The following CAST variants were observed in gnomAD, a reference collection of about 807,000 sequenced individuals.
The protein encoded by CAST is MIR583 host.
Under a neutral mutation model 119.6 loss-of-function variants are expected in CAST, and 76 were observed. The observed-to-expected ratio is 0.64, with a 90% CI of 0.53 to 0.77. CAST has a LOEUF of 0.77. Ranked by LOEUF, CAST falls within the 30% of genes least tolerant of loss-of-function variation. The pLI is 0.00. For synonymous variants in CAST, 319 were observed against 331.6 expected, an observed-to-expected ratio of 0.96 and a Z score of 0.41; for missense variants, 953 against 946.5, an observed-to-expected ratio of 1.01 and a Z score of -0.09.
At chr5:96,108,905 T>A in the CAST span, among the ~76,000 whole-genome samples, 2 of 152,236 alleles carry the variant, frequency 1.3e-5, no homozygotes, top group African/African-American at 2.4e-5. Context: ...CTCCAAGCCA[T>A]GTGCGGGATA....
the CAST span, among the ~76,000 whole-genome samples, chr5:96,061,274 A>G: frequency 3.9e-5 from 6 of 152,114 alleles, no homozygotes; most frequent in Non-Finnish European, 8.8e-5. Flanking sequence ...ACTGAGCACT[A>G]GATAGTGGGA....
intron 1 of CAST, among the ~76,000 whole-genome samples, chr5:96,553,855 A>G (rs1746182079): frequency 1.3e-5 from 2 of 152,216 alleles, no homozygotes; most frequent in Non-Finnish European, 1.5e-5. Flanking sequence ...AAGGGATGTG[A>G]AGGACCTCTT....
At chr5:96,767,816 A>G in intron 28 of CAST, 91 bp from the exon 29 acceptor site, 1 of 752,252 alleles carries the variant, frequency 1.3e-6, no homozygotes, top group East Asian at 2.5e-5. Context: ...TTATAGAAAC[A>G]TCTTTTATTT....
chr5:96,388,354 G>A, the CAST span, among the ~76,000 whole-genome samples: 3 of 152,204 alleles, frequency 2.0e-5, no homozygotes, highest in African/African-American at 7.2e-5. Context: ...CTTGGTTCCA[G>A]AATGTGGTTT....
At chr5:96,019,945 T>C in the CAST span, among the ~76,000 whole-genome samples, 1 of 152,240 alleles carries the variant, frequency 6.6e-6, no homozygotes. Flanking sequence ...CATGTGCCTC[T>C]TGCCAAGTAC....
the CAST span, among the ~76,000 whole-genome samples, chr5:96,209,299 G>A: frequency 6.6e-6 from 1 of 152,052 alleles, no homozygotes; most frequent in East Asian, 1.9e-4. Context: ...TTTTAATTGA[G>A]CATTTAGTAC....
At chr5:96,511,895 T>C in the CAST span, among the ~76,000 whole-genome samples, 1 of 152,340 alleles carries the variant, frequency 6.6e-6, no homozygotes, top group East Asian at 1.9e-4. Flanking sequence ...ACATCCAACC[T>C]CTTGCTCTTG....
At chr5:96,000,964 TA>T in the CAST span, among the ~76,000 whole-genome samples, 1 of 152,178 alleles carries the variant, frequency 6.6e-6, no homozygotes, top group Admixed American at 6.5e-5. Flanking sequence ...TAGACCTTAT[TA>T]AAAATGGCTA....
chr5:96,385,927 G>T, the CAST span, among the ~76,000 whole-genome samples: 1 of 152,128 alleles, frequency 6.6e-6, no homozygotes, highest in Non-Finnish European at 1.5e-5. Flanking sequence ...TTGGATGCTG[G>T]AATTACTGCC....
chr5:96,187,770 G>A, the CAST span, among the ~76,000 whole-genome samples: 1 of 152,112 alleles, frequency 6.6e-6, no homozygotes, highest in African/African-American at 2.4e-5. Context: ...CGAGGCTACC[G>A]AGCTTAAAAA....
the CAST span, among the ~76,000 whole-genome samples, chr5:96,288,294 G>A: frequency 2.6e-5 from 4 of 152,288 alleles, no homozygotes; most frequent in African/African-American, 7.2e-5. Flanking sequence ...ACTGTTGAAT[G>A]TGAAGTTTCA....
chr5:96,275,737 G>C, the CAST span, among the ~76,000 whole-genome samples: 2 of 152,276 alleles, frequency 1.3e-5, no homozygotes, highest in Admixed American at 6.5e-5. Flanking sequence ...TCAAATACTA[G>C]CATGGCAGAA....
the CAST span, among the ~76,000 whole-genome samples, chr5:96,229,442 G>T: frequency 1.3e-5 from 2 of 151,926 alleles, no homozygotes; most frequent in East Asian, 1.9e-4. Context: ...GGAAAAAAAA[G>T]ACACTATTTC....
the CAST span, among the ~76,000 whole-genome samples, chr5:96,345,043 G>A: frequency 1.3e-5 from 2 of 152,136 alleles, no homozygotes; most frequent in African/African-American, 2.4e-5. Flanking sequence ...ATATGGAAAT[G>A]AAATTCAATT....
chr5:96,665,745 C>T lies in CAST; in HGVS notation c.75+3248C>T, dbSNP rs370748751. On this transcript the variant is annotated intron_variant, in intron 1 of 31. Transcript: ENST00000675179. ...TTTATAACACACACACACACACATA[C>T]ACACACACACACACATATACATACA... is the stretch of plus-strand genomic sequence containing the variant. 9.6e-5 allele frequency among the ~76,000 whole-genome samples: 13 copies of T among 135,112 alleles called. 1 individual carries two copies. The highest frequency in any genetic ancestry group is 3.1e-4 in the African/African-American group (12 of 38,540). The allele number at this position is 135,112 out of a possible 152,430, so 88.6% of individuals were successfully genotyped here.
chr5:96,546,148 T>C (rs1011200356), intron 1 of CAST: 2 of 152,252 alleles, frequency 1.3e-5, no homozygotes, highest in African/African-American at 4.8e-5. Context: ...TGTAGTATTA[T>C]AGCTGTCCAC....
rs553311999 is a variant in CAST at position 96,684,565 on chromosome 5, C to CTTT, written c.138+8977_138+8979dup. ...GAACTAAAGACCTCTGCATCACTAT[C>CTTT]TTTTTTTTTTTTTTTGAGATAGAGT... On this transcript the variant is annotated intron_variant, in intron 2 of 31. Transcript: ENST00000675179. 2.2e-3 allele frequency among the ~76,000 whole-genome samples: 316 copies of CTTT among 142,616 alleles called. 7 individuals carry two copies. The highest frequency in any genetic ancestry group is 0.02 in the Admixed American group (285 of 14,130). The allele number at this position is 142,616 out of a possible 152,430, so 93.6% of individuals were successfully genotyped here. A position where few individuals can be genotyped will look rare whatever the true frequency, so the allele number is the denominator to read the frequency against.
the CAST span, among the ~76,000 whole-genome samples, chr5:96,513,465 G>A: frequency 6.6e-6 from 1 of 152,232 alleles, no homozygotes; most frequent in Non-Finnish European, 1.5e-5. Context: ...TCTCCACTGA[G>A]ATTTGGGTAA....
chr5:96,423,294 T>G, the CAST span: 5 of 1,598,882 alleles, frequency 3.1e-6, no homozygotes, highest in African/African-American at 4.0e-5. Context: ...GTCACAGTCA[T>G]GAGAAGGCAC....
Sources: allele counts gnomAD v4.1 joint callset (sites outside exome capture counted in the v4.1 genomes callset), GRCh38; gene constraint gnomAD v4.1.1; transcripts MANE v1.5; gene names NCBI Gene and HGNC (gene_info 2026-07-23, HGNC 2026-07-21).